The following HHAT variants were observed in gnomAD, a reference collection of about 807,000 sequenced individuals.
HHAT encodes the protein hedgehog acyltransferase, also known as protein-cysteine N-palmitoyltransferase HHAT.
HHAT carries 47 observed loss-of-function variants against 70.8 expected under a neutral mutation model. That is an observed-to-expected ratio of 0.66 (90% CI 0.53 to 0.85). The LOEUF (loss-of-function observed/expected upper bound fraction) is 0.85. Among genes scored for constraint, HHAT ranks in the 40% least tolerant of loss-of-function variants. The pLI is 0.00. For synonymous variants in HHAT, 228 were observed against 247.6 expected (o/e 0.92, Z 0.74); for missense variants, 609 against 604.8 (o/e 1.01, Z -0.07).
At chr1:210,534,081 G>A (rs558740609) in intron 9 of HHAT, among the ~76,000 whole-genome samples, 1 of 152,264 alleles carries the variant, frequency 6.6e-6, no homozygotes, top group Admixed American at 6.5e-5. Context: ...TTCCATACTG[G>A]CTAGCTGCCA....
chr1:210,631,031 T>G (rs1193030825), intron 11 of HHAT: 1 of 456,594 alleles, frequency 2.2e-6, no homozygotes, highest in South Asian at 1.5e-5. Flanking sequence ...TCAATCCATG[T>G]TGGGAGACAG....
At position 210,489,413 on chromosome 1, in the gene HHAT, A is replaced by T. The variant is rs1198163199; in HGVS notation, c.1008-23740A>T. On this transcript the variant is annotated intron_variant, in intron 8 of 11. Transcript: ENST00000261458. ...GTCAGCTTAATGCCATAATTGCCTT[A>T]CATAATTTAATACATAAATGCTGAA... is the stretch of plus-strand genomic sequence containing the variant. Among the ~76,000 whole-genome samples the T allele has an allele frequency of 3.3e-5, 5 of 152,194 alleles. No individual in the cohort carries two copies. The East Asian group carries it at 9.6e-4, about 29-fold the overall frequency.
At chr1:210,591,815 C>T (rs1242118700) in intron 10 of HHAT, among the ~76,000 whole-genome samples, 1 of 152,000 alleles carries the variant, frequency 6.6e-6, no homozygotes, top group Non-Finnish European at 1.5e-5. Context: ...TACCTGTTTG[C>T]CATTCATATG....
chr1:210,510,490 A>G (rs1224167179), intron 8 of HHAT, among the ~76,000 whole-genome samples: 1 of 152,198 alleles, frequency 6.6e-6, no homozygotes, highest in Non-Finnish European at 1.5e-5. Context: ...CCTGGGGAGA[A>G]GCAGGTGGGC....
chr1:210,657,077 T>C (rs1000005654), intron 11 of HHAT, among the ~76,000 whole-genome samples: 4 of 152,216 alleles, frequency 2.6e-5, no homozygotes, highest in African/African-American at 9.7e-5. Flanking sequence ...TGTTCTGTGC[T>C]CCAGTCAAGT....
chr1:210,327,748 C>T (rs1393768360), upstream of HHAT, among the ~76,000 whole-genome samples: 3 of 152,092 alleles, frequency 2.0e-5, no homozygotes, highest in African/African-American at 7.2e-5. Flanking sequence ...TCAAGTGATC[C>T]TCCTGCTACC....
chr1:210,363,502 T>TTTGAGCTCCACCAAA (rs2088584544), intron 3 of HHAT, among the ~76,000 whole-genome samples: 1 of 152,212 alleles, frequency 6.6e-6, no homozygotes, highest in Non-Finnish European at 1.5e-5. Flanking sequence ...GTATATATTC[T>TTTGAGCTCCACCAAA]GGGTAGGTAC....
intron 10 of HHAT, among the ~76,000 whole-genome samples, chr1:210,593,967 T>C (rs770485218): frequency 6.6e-6 from 1 of 152,188 alleles, no homozygotes; most frequent in Non-Finnish European, 1.5e-5. Flanking sequence ...ATCTATTTTG[T>C]CTGATTTAAG....
intron 9 of HHAT, among the ~76,000 whole-genome samples, chr1:210,532,455 A>G (rs2095324920): frequency 6.6e-6 from 1 of 152,192 alleles, no homozygotes; most frequent in South Asian, 2.1e-4. Context: ...GGCCTTAGGA[A>G]AGTCACTTCC....
chr1:210,661,889 C>T (rs867566870), intron 11 of HHAT, among the ~76,000 whole-genome samples: 3 of 152,124 alleles, frequency 2.0e-5, no homozygotes, highest in Middle Eastern at 3.4e-3. Context: ...ATGTAAATGA[C>T]GAGTTAATGG....
rs1033404292 is a variant in HHAT, at chr1:210,674,668, G to T, written c.*289G>T. 2 of 346,704 alleles carry T rather than the reference G, an allele frequency of 5.8e-6. No homozygotes were observed. Among genetic ancestry groups the T allele is most frequent in the Non-Finnish European group, 1.0e-5 (2 of 191,808 alleles). 21.5% of individuals were successfully genotyped at this position (346,704 alleles called of 1,614,324 possible). A position where few individuals can be genotyped will look rare whatever the true frequency, so the allele number is the denominator to read the frequency against. On this transcript the variant is annotated 3_prime_UTR_variant, in exon 12 of 12. Transcript: ENST00000261458. Reference sequence around the variant, plus strand: ...CTACACAGGGTGACATTTTGGTCTAGAACCTAGTCTCATGAGCCCTTTGCA... The same window carrying T: ...CTACACAGGGTGACATTTTGGTCTATAACCTAGTCTCATGAGCCCTTTGCA...
At chr1:210,438,681 A>G (rs59683473) in intron 7 of HHAT, among the ~76,000 whole-genome samples, 1,929 of 151,864 alleles carry the variant, frequency 0.013, 87 homozygotes, top group African/African-American at 0.043. Context: ...AATTGGGTAA[A>G]TGATCATGGT....
intron 9 of HHAT, among the ~76,000 whole-genome samples, chr1:210,524,169 G>A (rs1007226778): frequency 6.6e-6 from 1 of 152,226 alleles, no homozygotes; most frequent in African/African-American, 2.4e-5. Flanking sequence ...CCACTGTACA[G>A]CGTGTGCCTG....
At chr1:210,587,331 C>G (rs1660681996) in intron 9 of HHAT, among the ~76,000 whole-genome samples, 2 of 152,186 alleles carry the variant, frequency 1.3e-5, no homozygotes, top group Non-Finnish European at 2.9e-5. Flanking sequence ...AGAGCATGTG[C>G]AGGGGAACTG....
At chr1:210,437,841 A>G (rs1432381392) in intron 7 of HHAT, among the ~76,000 whole-genome samples, 1 of 151,944 alleles carries the variant, frequency 6.6e-6, no homozygotes, top group Non-Finnish European at 1.5e-5. Flanking sequence ...CCAGGAAACT[A>G]TTGGACACTC....
At chr1:210,525,221 T>C (rs1308032864) in intron 9 of HHAT, among the ~76,000 whole-genome samples, 1 of 152,024 alleles carries the variant, frequency 6.6e-6, no homozygotes, top group Non-Finnish European at 1.5e-5. Flanking sequence ...TCAGCCCCTC[T>C]TAGGACACAG....
chr1:210,641,949 G>T (rs916253863), intron 11 of HHAT, among the ~76,000 whole-genome samples: 4 of 152,168 alleles, frequency 2.6e-5, no homozygotes, highest in South Asian at 2.1e-4. Context: ...ATTTATTCTA[G>T]TATGTATGCA....
At chr1:210,664,186 G>GCC (rs1678402864) in intron 11 of HHAT, among the ~76,000 whole-genome samples, 6 of 152,192 alleles carry the variant, frequency 3.9e-5, no homozygotes, top group Non-Finnish European at 8.8e-5. Context: ...ATGGGAGAAG[G>GCC]CTCCTGCCTC....
chr1:210,459,600 G>A (rs1196315049), intron 7 of HHAT, among the ~76,000 whole-genome samples: 1 of 152,138 alleles, frequency 6.6e-6, no homozygotes, highest in Non-Finnish European at 1.5e-5. Context: ...CAGGGTGGCT[G>A]CATAGCTGAC....
Sources: allele counts gnomAD v4.1 joint callset (sites outside exome capture counted in the v4.1 genomes callset), GRCh38; gene constraint gnomAD v4.1.1; transcripts MANE v1.5; gene names NCBI Gene and HGNC (gene_info 2026-07-23, HGNC 2026-07-21).